The following NEGR1 variants were observed in gnomAD, a reference collection of about 807,000 sequenced individuals.
NEGR1 encodes the protein neuronal growth regulator 1.
NEGR1 carries 10 observed loss-of-function variants against 40.9 expected under a neutral mutation model. The observed-to-expected ratio is 0.24, with a 90% CI of 0.15 to 0.42. The LOEUF is 0.42. Ranked by LOEUF, NEGR1 falls within the 10% of genes least tolerant of loss-of-function variation. The pLI, the probability that NEGR1 is intolerant of heterozygous loss-of-function variation, is 1.00. For synonymous variants in NEGR1, 185 were observed against 166.8 expected, an observed-to-expected ratio of 1.11 and a Z score of -0.84; for missense variants, 352 against 438.9, an observed-to-expected ratio of 0.80 and a Z score of 1.77.
At chr1:71,424,768 A>G (rs1646418856) in intron 6 of NEGR1, among the ~76,000 whole-genome samples, 1 of 152,164 alleles carries the variant, frequency 6.6e-6, no homozygotes, top group African/African-American at 2.4e-5. Context: ...CTGACAGCCA[A>G]CAAGAAAATG....
rs561702360 is a variant in NEGR1 at position 71,671,109 on chromosome 1, A to G, written c.667+26899T>C. ...TTATACTTTAACTTTGCAGTAAAAGAACTTTATATTGTCATCACTATTAGG... is the reference window on the plus strand; with the variant it reads ...TTATACTTTAACTTTGCAGTAAAAGGACTTTATATTGTCATCACTATTAGG... On this transcript the variant is annotated intron_variant, in intron 4 of 6. Transcript: ENST00000357731. Among the ~76,000 whole-genome samples, 4 of 152,346 alleles carry G rather than the reference A, an allele frequency of 2.6e-5. No homozygotes were observed. In the South Asian group the frequency reaches 8.3e-4, roughly 32 times the overall value.
At chr1:72,129,115 C>A (rs115554598) in intron 1 of NEGR1, among the ~76,000 whole-genome samples, 7,655 of 152,204 alleles carry the variant, frequency 0.05, 245 homozygotes, top group Non-Finnish European at 0.077. Context: ...GATTGTGGAA[C>A]TTTTCAGCCC....
At chr1:71,492,121 G>A (rs1396047834) in intron 6 of NEGR1, among the ~76,000 whole-genome samples, 1 of 152,108 alleles carries the variant, frequency 6.6e-6, no homozygotes, top group South Asian at 2.1e-4. Flanking sequence ...GGAGAGCTAT[G>A]AGAAATGCAT....
chr1:72,224,841 C>T (rs1039970918), intron 1 of NEGR1, among the ~76,000 whole-genome samples: 1 of 151,960 alleles, frequency 6.6e-6, no homozygotes, highest in African/African-American at 2.4e-5. Context: ...TAGTGTAATA[C>T]AAGATTAGTT....
chr1:72,177,770 GTTT>G (rs34239145), intron 1 of NEGR1, among the ~76,000 whole-genome samples: 1 of 141,658 alleles, frequency 7.1e-6, no homozygotes, highest in African/African-American at 2.6e-5. Flanking sequence ...TTTTGTTTTT[GTTT>G]TTTTTTTTTT....
chr1:71,664,662 A>T (rs1361691746), intron 4 of NEGR1, among the ~76,000 whole-genome samples: 1 of 152,110 alleles, frequency 6.6e-6, no homozygotes, highest in East Asian at 1.9e-4. Context: ...ACCTTATGAA[A>T]ATTCATCAGT....
chr1:71,695,337 T>G (rs1265859040), intron 4 of NEGR1, among the ~76,000 whole-genome samples: 2 of 151,864 alleles, frequency 1.3e-5, no homozygotes, highest in East Asian at 1.9e-4. Context: ...ATGGCAAAAC[T>G]GATTGTTTAA....
intron 2 of NEGR1, among the ~76,000 whole-genome samples, chr1:71,820,117 G>A (rs955044744): frequency 2.6e-5 from 4 of 151,994 alleles, no homozygotes; most frequent in African/African-American, 9.7e-5. Flanking sequence ...CTATATCAGA[G>A]TGATAAACAA....
At position 71,927,750 on chromosome 1, in the gene NEGR1, G is replaced by A. The variant is rs144053914; in HGVS notation, c.409+7329C>T. Among the ~76,000 whole-genome samples, 44 of 147,168 alleles carry A rather than the reference G, an allele frequency of 3.0e-4. 3 individuals carry two copies. The East Asian group carries it at 9.0e-3, about 30-fold the overall frequency. ...ATCCCAGCACTTTGGGAGGCTGGCC[G>A]AGGTGGGTAGATCGCCTGAGCCCAG... On this transcript the variant is annotated intron_variant, in intron 2 of 6. Coordinates refer to ENST00000357731, the MANE Select transcript of NEGR1 (RefSeq NM_173808.3).
chr1:72,216,378 TATATACATATATATATATATATAC>T lies in NEGR1; in HGVS notation c.176+65917_176+65940del, dbSNP rs1191549061. 6.4e-5 allele frequency among the ~76,000 whole-genome samples: 6 copies of T among 93,572 alleles called. No individual in the cohort carries two copies. In the East Asian group the frequency reaches 1.3e-3, roughly 20 times the overall value. 61.4% of individuals were successfully genotyped at this position (93,572 alleles called of 152,430 possible). ...TATCCTAGAACTTGGAAGTTATATA[TATATACATATATATATATATATAC>T]ATATATATATATATGTATATCTATA... On this transcript the variant is annotated intron_variant, in intron 1 of 6. Coordinates refer to ENST00000357731, the MANE Select transcript of NEGR1 (RefSeq NM_173808.3).
In NEGR1 at chr1:71,688,325, T is replaced by TATATATAG. The variant is rs1475341609; in HGVS notation, c.667+9682_667+9683insCTATATAT. On this transcript the variant is annotated intron_variant, in intron 4 of 6. Coordinates refer to ENST00000357731, the MANE Select transcript of NEGR1 (RefSeq NM_173808.3). Reference sequence around the variant, plus strand: ...TTCCCTTTTCATATATATATATATATATAGATAGATAGATAGATAGATAGA... The same window carrying TATATATAG: ...TTCCCTTTTCATATATATATATATATATATATAGATAGATAGATAGATAGATAGATAGA... Among the ~76,000 whole-genome samples the TATATATAG allele has an allele frequency of 1.6e-3, 169 of 103,204 alleles. 10 individuals carry two copies. The South Asian group carries it at 0.021, about 13-fold the overall frequency. The allele number at this position is 103,204 out of a possible 152,430, so 67.7% of individuals were successfully genotyped here. A position where few individuals can be genotyped will look rare whatever the true frequency, so the allele number is the denominator to read the frequency against.
rs12079629 is a variant in NEGR1 at position 71,489,097 on chromosome 1, G to A, written c.941-81527C>T. Among the ~76,000 whole-genome samples, 47 of 151,780 alleles carry A rather than the reference G, an allele frequency of 3.1e-4. No individual in the cohort carries two copies. In the South Asian group the frequency reaches 6.9e-3, roughly 22 times the overall value. The stretch of plus-strand genomic sequence containing the variant: ...GAGAATTACTTCTTCCTCATTGTAT[G>A]TAGTCTTGGTGGACGGATTAAAGAT... On this transcript the variant is annotated intron_variant, in intron 6 of 6. Coordinates refer to ENST00000357731, the MANE Select transcript of NEGR1 (RefSeq NM_173808.3).
At chr1:72,161,438 G>A (rs1401880051) in intron 1 of NEGR1, among the ~76,000 whole-genome samples, 1 of 151,940 alleles carries the variant, frequency 6.6e-6, no homozygotes, top group Non-Finnish European at 1.5e-5. Context: ...TTGTCTGGAG[G>A]CATCGTTGAT....
At position 72,206,341 on chromosome 1, in the gene NEGR1, A is replaced by T. The variant is rs114138152; in HGVS notation, c.176+75978T>A. On this transcript the variant is annotated intron_variant, in intron 1 of 6. Coordinates refer to ENST00000357731, the MANE Select transcript of NEGR1 (RefSeq NM_173808.3). ...GAAAACACAAATAACTTTAACATTT[A>T]TGAAAATACCTGAACTAATAGCAAA... is the stretch of plus-strand genomic sequence containing the variant. Among the ~76,000 whole-genome samples the T allele has an allele frequency of 2.6e-3, 398 of 152,250 alleles. 2 individuals are homozygous for T. Among genetic ancestry groups the T allele is most frequent in the African/African-American group, 9.2e-3 (383 of 41,558 alleles).
intron 6 of NEGR1, among the ~76,000 whole-genome samples, chr1:71,489,140 T>C (rs1029632723): frequency 6.6e-6 from 1 of 151,864 alleles, no homozygotes; most frequent in African/African-American, 2.4e-5. Context: ...TTCTACCATG[T>C]AAGCCAAATG....
chr1:71,660,145 TA>T (rs1267007351), intron 4 of NEGR1, among the ~76,000 whole-genome samples: 1 of 152,070 alleles, frequency 6.6e-6, no homozygotes, highest in African/African-American at 2.4e-5. Context: ...TATGCAGTCA[TA>T]AAAAAAGAAC....
At chr1:71,635,519 A>G (rs1267797743) in intron 4 of NEGR1, among the ~76,000 whole-genome samples, 1 of 152,040 alleles carries the variant, frequency 6.6e-6, no homozygotes, top group Non-Finnish European at 1.5e-5. Flanking sequence ...GGCAAAATGG[A>G]GAGAGTTGAG....
chr1:71,820,055 C>T lies in NEGR1; in HGVS notation c.410-43758G>A, dbSNP rs182444819. 2.6e-5 allele frequency among the ~76,000 whole-genome samples: 4 copies of T among 151,958 alleles called. No homozygotes were observed. The East Asian group carries it at 5.8e-4, about 22-fold the overall frequency. ...AAATATTAGGAACAAAGGGGCAATG[C>T]GTCATTGTCAGAATCTAATGGGGTT... On this transcript the variant is annotated intron_variant, in intron 2 of 6. Transcript: ENST00000357731.
chr1:71,474,517 T>TACACACAC (rs57225665), intron 6 of NEGR1, among the ~76,000 whole-genome samples: 3,276 of 115,400 alleles, frequency 0.028, 78 homozygotes, highest in Middle Eastern at 0.035. Flanking sequence ...CTACTAACAA[T>TACACACAC]ACACACACAC....
Sources: allele counts gnomAD v4.1 joint callset (sites outside exome capture counted in the v4.1 genomes callset), GRCh38; gene constraint gnomAD v4.1.1; transcripts MANE v1.5; gene names NCBI Gene and HGNC (gene_info 2026-07-23, HGNC 2026-07-21).